Variants in CSMD1 observed in about 807,000 individuals in gnomAD.
CSMD1 encodes the protein CUB and Sushi multiple domains 1.
In CSMD1, 213 loss-of-function variants were observed where a neutral mutation model predicts 417.5. That is an observed-to-expected ratio of 0.51 (90% CI 0.46 to 0.57). The LOEUF is 0.57. Ranked by LOEUF, CSMD1 falls within the 20% of genes least tolerant of loss-of-function variation. CSMD1 has a pLI of 0.00. For synonymous variants in CSMD1, 2,862 were observed against 1,736.8 expected (o/e 1.65, Z -16.11); for missense variants, 6,923 against 4,529.7 (o/e 1.53, Z -15.17).
At chr8:3,181,310 C>T (rs1470384508) in intron 36 of CSMD1, 96 bp from the exon 37 acceptor site, 2 of 814,210 alleles carry the variant, frequency 2.5e-6, no homozygotes, top group Non-Finnish European at 4.0e-6. Context: ...CTTACAAATC[C>T]CTACAGTTTG....
At chr8:4,352,433 A>G (rs13248280) in intron 3 of CSMD1, among the ~76,000 whole-genome samples, 17,487 of 152,206 alleles carry the variant, frequency 0.11, 1,332 homozygotes, top group South Asian at 0.21. Context: ...TTCCTTTTCA[A>G]CTCAAAAAAA....
intron 10 of CSMD1, among the ~76,000 whole-genome samples, chr8:3,518,357 T>C (rs1476057014): frequency 1.3e-5 from 2 of 152,194 alleles, no homozygotes; most frequent in East Asian, 1.9e-4. Flanking sequence ...ACCAACATCA[T>C]ATAAGAAACA....
At chr8:3,504,529 C>T (rs966041245) in intron 10 of CSMD1, among the ~76,000 whole-genome samples, 1 of 152,180 alleles carries the variant, frequency 6.6e-6, no homozygotes, top group Non-Finnish European at 1.5e-5. Flanking sequence ...AAAACCTTGT[C>T]ATGTCTGCCA....
chr8:4,185,798 C>T (rs1798638253), intron 3 of CSMD1, among the ~76,000 whole-genome samples: 3 of 152,168 alleles, frequency 2.0e-5, no homozygotes, highest in African/African-American at 7.2e-5. Flanking sequence ...AGATGAGTGG[C>T]AGACCCAGTG....
chr8:2,975,370 C>A (rs914244964), intron 55 of CSMD1, among the ~76,000 whole-genome samples: 2 of 152,134 alleles, frequency 1.3e-5, no homozygotes, highest in Admixed American at 6.5e-5. Flanking sequence ...TAGCAATGGA[C>A]AAATTTTTAT....
chr8:4,851,753 A>G (rs2116833827), intron 1 of CSMD1, among the ~76,000 whole-genome samples: 3 of 152,294 alleles, frequency 2.0e-5, no homozygotes, highest in South Asian at 4.2e-4. Context: ...TTCTTCAAAG[A>G]CAGGTCTATT....
intron 1 of CSMD1, among the ~76,000 whole-genome samples, chr8:4,849,541 C>G (rs1447992728): frequency 2.0e-5 from 3 of 152,160 alleles, no homozygotes; most frequent in African/African-American, 7.2e-5. Flanking sequence ...GTTGCAAACT[C>G]CATTTATGAC....
chr8:3,973,438 A>G (rs1371850349), intron 5 of CSMD1, among the ~76,000 whole-genome samples: 2 of 152,210 alleles, frequency 1.3e-5, no homozygotes, highest in Non-Finnish European at 2.9e-5. Flanking sequence ...AAATTATAAA[A>G]ATTTTTTGAA....
At chr8:3,206,610 G>T (rs74875518) in intron 30 of CSMD1, among the ~76,000 whole-genome samples, 7 of 138,564 alleles carry the variant, frequency 5.1e-5, no homozygotes, top group Non-Finnish European at 1.5e-5. Flanking sequence ...CTGTATGTGT[G>T]TGTATGTGTG....
In CSMD1 at chr8:4,224,130, G is replaced by A. The variant is rs527474387; in HGVS notation, c.416-192031C>T. On this transcript the variant is annotated intron_variant, in intron 3 of 69. Transcript: ENST00000635120. ...CTAAGAGTAACTGAACATACCATGA[G>A]GACACTTAACTTTGTTTCGCTTACT... 1.7e-3 allele frequency among the ~76,000 whole-genome samples: 256 copies of A among 152,196 alleles called. 7 individuals carry two copies. The South Asian group carries it at 0.051, about 30-fold the overall frequency.
At chr8:3,233,063 A>C (rs555898818) in intron 26 of CSMD1, among the ~76,000 whole-genome samples, 1 of 150,844 alleles carries the variant, frequency 6.6e-6, no homozygotes, top group South Asian at 2.1e-4. Context: ...ATACTTATCA[A>C]TTTGTTTGCT....
At chr8:3,446,343 A>C (rs976385272) in intron 12 of CSMD1, among the ~76,000 whole-genome samples, 1 of 152,238 alleles carries the variant, frequency 6.6e-6, no homozygotes, top group East Asian at 1.9e-4. Flanking sequence ...TCACAAATTT[A>C]CATAGACTGT....
intron 29 of CSMD1, among the ~76,000 whole-genome samples, chr8:3,214,995 A>T (rs1797804164): frequency 6.6e-6 from 1 of 152,200 alleles, no homozygotes; most frequent in African/African-American, 2.4e-5. Flanking sequence ...TTATATATTT[A>T]TCCATTTTTG....
At chr8:3,921,575 G>T (rs556954657) in intron 5 of CSMD1, among the ~76,000 whole-genome samples, 1 of 151,630 alleles carries the variant, frequency 6.6e-6, no homozygotes, top group Non-Finnish European at 1.5e-5. Flanking sequence ...CATCTATTTT[G>T]GTGTGCTTGG....
chr8:4,563,187 G>T (rs1050925358), intron 2 of CSMD1, among the ~76,000 whole-genome samples: 17 of 152,226 alleles, frequency 1.1e-4, no homozygotes, highest in African/African-American at 3.9e-4. Flanking sequence ...GGATCACGAG[G>T]TCAGGAGATT....
intron 18 of CSMD1, among the ~76,000 whole-genome samples, chr8:3,378,271 A>C (rs1013240039): frequency 2.6e-5 from 4 of 152,226 alleles, no homozygotes; most frequent in African/African-American, 9.6e-5. Flanking sequence ...CCTACCAACT[A>C]AAAGAAGCCC....
At chr8:3,066,847 T>G (rs1812967866) in intron 49 of CSMD1, among the ~76,000 whole-genome samples, 1 of 152,186 alleles carries the variant, frequency 6.6e-6, no homozygotes, top group Non-Finnish European at 1.5e-5. Context: ...CAAAAATGCA[T>G]GGAATGAAGT....
At chr8:3,060,834 T>C (rs996336975) in intron 49 of CSMD1, among the ~76,000 whole-genome samples, 2 of 152,214 alleles carry the variant, frequency 1.3e-5, no homozygotes, top group Non-Finnish European at 2.9e-5. Context: ...AAGGGCTTTA[T>C]GGAGCAGAGT....
At chr8:3,692,048 T>A (rs1457810710) in intron 7 of CSMD1, among the ~76,000 whole-genome samples, 1 of 152,218 alleles carries the variant, frequency 6.6e-6, no homozygotes, top group Admixed American at 6.5e-5. Context: ...CTCAGCGATC[T>A]GCCTGCTCCG....
Sources: gnomAD v4.1 joint callset for allele counts (sites outside exome capture counted in the v4.1 genomes callset) on GRCh38, gnomAD v4.1.1 for gene constraint, MANE v1.5 for transcripts, NCBI Gene and HGNC (gene_info 2026-07-23, HGNC 2026-07-21) for gene names.